Variants in SMS observed in about 807,000 individuals in gnomAD.
SMS encodes the protein spermine synthase, also known as spermidine aminopropyltransferase.
Under a neutral mutation model 33.0 loss-of-function variants are expected in SMS, and 3 were observed. The observed-to-expected ratio is 0.09, with a 90% CI of 0.04 to 0.23. The LOEUF is 0.23. Among genes scored for constraint, SMS ranks in the 10% least tolerant of loss-of-function variants. The probability of loss-of-function intolerance (pLI) is 1.00; values close to 1 mark genes in which losing one functional copy is unlikely to be tolerated. For synonymous variants in SMS, 103 were observed against 112.2 expected (o/e 0.92, Z 0.52); for missense variants, 117 against 288.6 (o/e 0.41, Z 4.31).
intron 1 of SMS, among the ~76,000 whole-genome samples, chrX:21,964,633 A>G (rs1432453994): frequency 1.8e-5 from 2 of 110,294 alleles, no homozygotes; most frequent in Non-Finnish European, 3.8e-5. Flanking sequence ...ATTTATTTCT[A>G]CCTATACCTG....
chrX:21,968,263 TGTAA>T (rs1923880471), intron 2 of SMS, among the ~76,000 whole-genome samples: 1 of 112,592 alleles, frequency 8.9e-6, no homozygotes. Context: ...CTGGTATTTC[TGTAA>T]GTAAGTGTGT....
chrX:21,960,469 A>G (rs184906129), intron 1 of SMS, among the ~76,000 whole-genome samples: 41 of 110,625 alleles, frequency 3.7e-4, no homozygotes, highest in African/African-American at 1.3e-3. Context: ...CAGAAGGCTC[A>G]TTTCAGATCA....
chrX:21,983,028 T>C (rs1925075015), intron 7 of SMS, among the ~76,000 whole-genome samples: 1 of 111,234 alleles, frequency 9.0e-6, no homozygotes, highest in African/African-American at 3.3e-5. Flanking sequence ...TAGGGAATTG[T>C]GGTGAACTTT....
chrX:21,984,469 C>T, intron 8 of SMS, 51 bp downstream of exon 8: 1 of 781,823 alleles, frequency 1.3e-6, no homozygotes, highest in Non-Finnish European at 2.0e-6. Flanking sequence ...CTCTTGGCAC[C>T]ATGTGAGGGT....
intron 1 of SMS, among the ~76,000 whole-genome samples, chrX:21,951,040 G>T (rs934980718): frequency 8.9e-6 from 1 of 112,039 alleles, no homozygotes; most frequent in African/African-American, 3.2e-5. Flanking sequence ...CACAATAGTT[G>T]AACTAATTTA....
At chrX:21,984,169 C>A in intron 7 of SMS, 135 bp from the exon 8 acceptor site, 1 of 521,146 alleles carries the variant, frequency 1.9e-6, no homozygotes, top group Non-Finnish European at 3.4e-6. Flanking sequence ...TTTTTTGGTT[C>A]CTGTAGCAGT....
chrX:21,987,989 C>T (rs1299959485), intron 9 of SMS, among the ~76,000 whole-genome samples: 1 of 112,416 alleles, frequency 8.9e-6, no homozygotes, highest in Non-Finnish European at 1.9e-5. Context: ...CTTGCCTTTG[C>T]CAATAGACTT....
At chrX:21,954,997 G>A (rs182624249) in intron 1 of SMS, among the ~76,000 whole-genome samples, 32 of 110,615 alleles carry the variant, frequency 2.9e-4, no homozygotes, top group Non-Finnish European at 5.3e-4. Context: ...CTACCACAGC[G>A]GGCTAATTTT....
chrX:21,977,666 C>A (rs1401449244), intron 5 of SMS, among the ~76,000 whole-genome samples: 1 of 111,354 alleles, frequency 9.0e-6, no homozygotes, highest in Admixed American at 9.6e-5. Flanking sequence ...TCACAGACAT[C>A]ATATTATTTC....
intron 1 of SMS, among the ~76,000 whole-genome samples, chrX:21,953,108 A>G (rs1922729713): frequency 9.1e-6 from 1 of 110,256 alleles, no homozygotes. Flanking sequence ...CTTAACAGTT[A>G]TAGGACTCTT....
chrX:21,959,897 G>A (rs1435293706), intron 1 of SMS: 2 of 752,956 alleles, frequency 2.7e-6, no homozygotes, highest in South Asian at 6.7e-5. Flanking sequence ...CCATCTTCCC[G>A]TGGAGAGAGT....
chrX:21,992,686 C>T lies in SMS; in HGVS notation c.1035C>T (p.Ile345=), dbSNP rs749489883. ...GTCCTGTGGAATTTTCAAAGGAGAT[C>T]GTCTGTGTCCCTTCATACTTGGAAT... ...LYCPVEFSKE[I]VCVPSYLELW... Residue 345 remains isoleucine, a synonymous_variant, in exon 10 of 11, where the codon ATC becomes ATT. Coordinates refer to ENST00000404933, the MANE Select transcript of SMS (RefSeq NM_004595.5). The T allele has an allele frequency of 4.2e-6, 5 of 1,179,137 alleles. No individual in the cohort carries two copies. The highest frequency in any genetic ancestry group is 3.0e-5 in the East Asian group (1 of 33,690).
Position 21,971,878 on chromosome X carries a change from A to G in SMS, c.171-19A>G, listed in dbSNP as rs762620217. Reference sequence around the variant, plus strand: ...CCCCGATACAATTCTTAAGCTTAAAATTATATTTTCCTTTGTAGCTTTGCC... The same window carrying G: ...CCCCGATACAATTCTTAAGCTTAAAGTTATATTTTCCTTTGTAGCTTTGCC... On this transcript the variant is annotated intron_variant, in intron 2 of 10. Coordinates refer to ENST00000404933, the MANE Select transcript of SMS (RefSeq NM_004595.5). 1 of 1,092,985 alleles carries G rather than the reference A, an allele frequency of 9.1e-7. No homozygotes were observed. The allele number at this position is 1,092,985 out of a possible 1,213,427, so 90.1% of individuals were successfully genotyped here.
intron 4 of SMS, 145 bp from the exon 5 acceptor site, chrX:21,976,915 TA>T (rs1385933185): frequency 3.6e-6 from 2 of 558,314 alleles, no homozygotes; most frequent in African/African-American, 4.6e-5. Context: ...CGTGATTATA[TA>T]AAACTAAAAG....
rs1255649479 is a variant in SMS at position 21,940,718 on chromosome X, C to G, written c.-107C>G. ...GCCCCTCCCACCTCCTAGTCCTGGCCTCCCCGGGCGCAGCACACTCCCAGC... is the reference window on the plus strand; with the variant it reads ...GCCCCTCCCACCTCCTAGTCCTGGCGTCCCCGGGCGCAGCACACTCCCAGC... On this transcript the variant is annotated 5_prime_UTR_variant, in exon 1 of 11. Transcript: ENST00000404933. 141 of 642,816 alleles carry G rather than the reference C, an allele frequency of 2.2e-4. No individual in the cohort carries two copies. The highest frequency in any genetic ancestry group is 5.1e-4 in the Middle Eastern group (1 of 1,951). 53.0% of individuals were successfully genotyped at this position (642,816 alleles called of 1,213,427 possible).
At chrX:21,941,918 A>C (rs1257375768) in intron 1 of SMS, among the ~76,000 whole-genome samples, 5 of 97,156 alleles carry the variant, frequency 5.1e-5, no homozygotes, top group Non-Finnish European at 1.0e-4. Context: ...AAAAAAAAAA[A>C]AAAAACCCGA....
At chrX:21,969,558 C>T (rs1300661915) in intron 2 of SMS, among the ~76,000 whole-genome samples, 1 of 111,541 alleles carries the variant, frequency 9.0e-6, no homozygotes, top group African/African-American at 3.3e-5. Flanking sequence ...CATCATCCAC[C>T]GCCTCCGGTG....
intron 7 of SMS, among the ~76,000 whole-genome samples, chrX:21,983,176 A>T (rs1352732210): frequency 1.8e-5 from 2 of 110,466 alleles, no homozygotes; most frequent in African/African-American, 3.3e-5. Flanking sequence ...AGTAGCCGGG[A>T]CTACAGGCAG....
chrX:21,975,627 T>G (rs1407264192), intron 4 of SMS, among the ~76,000 whole-genome samples: 1 of 111,424 alleles, frequency 9.0e-6, no homozygotes, highest in Non-Finnish European at 1.9e-5. Context: ...TCCTGATTGG[T>G]GCTTCACATT....
Sources: allele counts gnomAD v4.1 joint callset (sites outside exome capture counted in the v4.1 genomes callset), GRCh38; gene constraint gnomAD v4.1.1; transcripts MANE v1.5; gene names NCBI Gene and HGNC (gene_info 2026-07-23, HGNC 2026-07-21).